UNC5B: variants seen among roughly 807,000 people sequenced by gnomAD.
The protein encoded by UNC5B is netrin receptor UNC5B.
In UNC5B, 56 loss-of-function variants were observed where a neutral mutation model predicts 103.7. The ratio of observed to expected loss-of-function variants is 0.54; its 90% confidence interval spans 0.44 to 0.67. The LOEUF (loss-of-function observed/expected upper bound fraction) is 0.67. UNC5B is among the 30% of genes least tolerant of loss of function. The pLI is 0.00. For missense variants in UNC5B, 1,194 were observed against 1,284.5 expected (o/e 0.93, Z 1.08); for synonymous variants, 577 against 542.0 (o/e 1.06, Z -0.90).
At chr10:71,247,675 A>G (rs1336693906) in intron 1 of UNC5B, among the ~76,000 whole-genome samples, 2 of 152,176 alleles carry the variant, frequency 1.3e-5, no homozygotes, top group Non-Finnish European at 2.9e-5. Flanking sequence ...AGGCCCCAGC[A>G]TGGATGTGAG....
intron 1 of UNC5B, among the ~76,000 whole-genome samples, chr10:71,220,284 G>T (rs1408156916): frequency 1.3e-5 from 2 of 152,222 alleles, no homozygotes; most frequent in African/African-American, 4.8e-5. Context: ...CATATTGGGG[G>T]TGGAGACATG....
chr10:71,265,814 G>T (rs1047000074), intron 1 of UNC5B, among the ~76,000 whole-genome samples: 4 of 152,150 alleles, frequency 2.6e-5, no homozygotes, highest in African/African-American at 9.7e-5. Flanking sequence ...CAGGCTCTTG[G>T]TGAGGCACCA....
intron 5 of UNC5B, among the ~76,000 whole-genome samples, chr10:71,287,269 A>G (rs1166013809): frequency 5.9e-5 from 9 of 152,172 alleles, no homozygotes; most frequent in Non-Finnish European, 1.5e-5. Flanking sequence ...AGTTTTAGAA[A>G]GAACCTTGTG....
chr10:71,254,382 C>G (rs901146092), intron 1 of UNC5B, among the ~76,000 whole-genome samples: 2 of 152,228 alleles, frequency 1.3e-5, no homozygotes. Flanking sequence ...ACCATGGGTA[C>G]CTGGCGTCCT....
At position 71,213,728 on chromosome 10, in the gene UNC5B, A is replaced by AGAGAGAGTGTGTGTGTGT. The variant is rs144371231; in HGVS notation, c.79+665_79+666insAGAGAGTGTGTGTGTGTG. Among the ~76,000 whole-genome samples the AGAGAGAGTGTGTGTGTGT allele has an allele frequency of 7.6e-6, 1 of 131,474 alleles. No homozygotes were observed. The highest frequency in any genetic ancestry group is 2.9e-5 in the African/African-American group (1 of 34,208). 86.3% of individuals were successfully genotyped at this position (131,474 alleles called of 152,430 possible). A position where few individuals can be genotyped will look rare whatever the true frequency, so the allele number is the denominator to read the frequency against. On this transcript the variant is annotated intron_variant, in intron 1 of 16. Transcript: ENST00000335350. This position sits in a 1 kb window ranked among gnomAD's most constrained non-coding sequence, Gnocchi z 4.1. Reference sequence around the variant, plus strand: ...ATTATTAATTTTCTGAGTGTTGGAGAGTGTGTGTGTGTGTGTGTGTGTGTG... The same window carrying AGAGAGAGTGTGTGTGTGT: ...ATTATTAATTTTCTGAGTGTTGGAGAGAGAGAGTGTGTGTGTGTGTGTGTGTGTGTGTGTGTGTGTGTG...
rs964796996 is a variant in UNC5B at position 71,263,578 on chromosome 10, A to G, written c.80-16243A>G. Among the ~76,000 whole-genome samples, 7 of 152,242 alleles carry G rather than the reference A, an allele frequency of 4.6e-5. No homozygotes were observed. The South Asian group carries it at 1.4e-3, about 32-fold the overall frequency. On this transcript the variant is annotated intron_variant, in intron 1 of 16. Transcript: ENST00000335350. ...CCCCAGCCCCCAGCCGAGAACAATCAGAGAGGAAAACCAAGGCCATTTGTC... is the reference window on the plus strand; with the variant it reads ...CCCCAGCCCCCAGCCGAGAACAATCGGAGAGGAAAACCAAGGCCATTTGTC...
At chr10:71,287,170 C>T (rs990031243) in intron 5 of UNC5B, among the ~76,000 whole-genome samples, 1 of 152,220 alleles carries the variant, frequency 6.6e-6, no homozygotes, top group African/African-American at 2.4e-5. Flanking sequence ...GAGTTAAGGA[C>T]CATTGCCCAG....
chr10:71,251,001 T>C (rs1168434589), intron 1 of UNC5B, among the ~76,000 whole-genome samples: 4 of 152,186 alleles, frequency 2.6e-5, no homozygotes, highest in African/African-American at 9.6e-5. Flanking sequence ...TTTCAGGAGA[T>C]GTGCTGATTC....
At chr10:71,289,955 G>T (rs1845202873) in intron 8 of UNC5B, among the ~76,000 whole-genome samples, 2 of 152,206 alleles carry the variant, frequency 1.3e-5, no homozygotes, top group Admixed American at 6.5e-5. Context: ...TTCTCTGAGG[G>T]CCCCCCAGGG....
At chr10:71,274,994 A>G (rs1844735512) in intron 1 of UNC5B, among the ~76,000 whole-genome samples, 1 of 152,116 alleles carries the variant, frequency 6.6e-6, no homozygotes, top group South Asian at 2.1e-4. Context: ...GACTTGGCCA[A>G]CCTCCTCATT....
intron 1 of UNC5B, among the ~76,000 whole-genome samples, chr10:71,250,183 C>T (rs1844140714): frequency 6.6e-6 from 1 of 152,248 alleles, no homozygotes; most frequent in Non-Finnish European, 1.5e-5. Context: ...CCCTGCTCCC[C>T]AGGATGCCTT....
chr10:71,288,475 C>T (rs777374481), intron 6 of UNC5B, 93 bp from the exon 7 acceptor site: 1 of 1,507,826 alleles, frequency 6.6e-7, no homozygotes, highest in Non-Finnish European at 8.9e-7. Flanking sequence ...TGTATGCATG[C>T]ATGTGTGTTG....
At chr10:71,294,014 T>C in intron 13 of UNC5B, 81 bp downstream of exon 13, 1 of 1,332,106 alleles carries the variant, frequency 7.5e-7, no homozygotes, top group Non-Finnish European at 1.0e-6. Flanking sequence ...CCCAGGCTCA[T>C]GGGTCCTCCC....
At position 71,298,082 on chromosome 10, in the gene UNC5B, T is replaced by C; in HGVS notation, c.2664T>C (p.Ser888=). ...NDWRMLAQKL[S]MDRYLNYFAT... ...GGCGGATGTTAGCACAGAAGCTCTC[T>C]ATGGACCGGTGAGTATCCCAAACCA... Residue 888 remains serine (S), a synonymous_variant, in exon 16 of 17, where the codon TCT becomes TCC. Transcript: ENST00000335350. 1 of 1,606,590 alleles carries C rather than the reference T, an allele frequency of 6.2e-7. No homozygotes were observed. The highest frequency in any genetic ancestry group is 8.5e-7 in the Non-Finnish European group (1 of 1,176,928).
At chr10:71,241,371 G>T (rs533927001) in intron 1 of UNC5B, among the ~76,000 whole-genome samples, 2 of 152,132 alleles carry the variant, frequency 1.3e-5, no homozygotes, top group African/African-American at 4.8e-5. Context: ...CAGGCACCTG[G>T]CTTGTAAAGA....
intron 1 of UNC5B, among the ~76,000 whole-genome samples, chr10:71,267,605 C>A (rs1844550891): frequency 6.6e-6 from 1 of 152,206 alleles, no homozygotes; most frequent in Non-Finnish European, 1.5e-5. Context: ...GGAACTGAAG[C>A]TTGGTTATTG....
rs998375906 is a variant in UNC5B at position 71,286,738 on chromosome 10, A to G, written c.602A>G (p.Asn201Ser). 6.2e-7 allele frequency: 1 copy of G among 1,613,914 alleles called. No individual in the cohort carries two copies. Among genetic ancestry groups the G allele is most frequent in the Non-Finnish European group, 8.5e-7 (1 of 1,179,976 alleles). ...GTCATCGACCCCACCCAGGACACCA[A>G]CTTCCTGCTCACCATCGACCACAAC... Reference protein sequence around the residue: ...EDVIDPTQDTNFLLTIDHNLI... With the variant: ...EDVIDPTQDTSFLLTIDHNLI... The change falls in exon 5 of 17, where the codon AAC (asparagine) becomes AGC (serine). Residue 201 changes from asparagine to serine, a missense_variant. Physicochemically the swap from Asn to Ser is conservative, Grantham distance 46. Coordinates refer to ENST00000335350, the MANE Select transcript of UNC5B (RefSeq NM_170744.5).
At position 71,302,785 on chromosome 10, in the gene UNC5B, AC is replaced by A. The variant is rs1845608934; in HGVS notation, c.*3510del. The A allele has an allele frequency of 6.6e-6, 1 of 152,156 alleles. No homozygotes were observed. Among genetic ancestry groups the A allele is most frequent in the Non-Finnish European group, 1.5e-5 (1 of 68,020 alleles). The allele number at this position is 152,156 out of a possible 1,614,324, so 9.4% of individuals were successfully genotyped here. A position where few individuals can be genotyped will look rare whatever the true frequency, so the allele number is the denominator to read the frequency against. ...ACCTCTGTTTATTCTGTAAACTGCA[AC>A]CTATAAATAACCTTTAGCATTCCTA... On this transcript the variant is annotated 3_prime_UTR_variant, in exon 17 of 17. Coordinates refer to ENST00000335350, the MANE Select transcript of UNC5B (RefSeq NM_170744.5).
chr10:71,278,969 C>T (rs1044745350), intron 1 of UNC5B, among the ~76,000 whole-genome samples: 2 of 152,280 alleles, frequency 1.3e-5, no homozygotes, highest in African/African-American at 4.8e-5. Context: ...GCCACACCCC[C>T]CTTCCTGTTT....
Sources: allele counts gnomAD v4.1 joint callset (sites outside exome capture counted in the v4.1 genomes callset), GRCh38; gene constraint gnomAD v4.1.1; non-coding constraint Gnocchi (gnomAD v3.1); transcripts MANE v1.5; gene names NCBI Gene and HGNC (gene_info 2026-07-23, HGNC 2026-07-21).